Variants in MB21D2 observed in about 807,000 individuals in gnomAD.
MB21D2 encodes the protein Mab-21 domain containing 2, also known as nucleotidyltransferase MB21D2.
MB21D2 carries 9 observed loss-of-function variants against 33.3 expected under a neutral mutation model. That is an observed-to-expected ratio of 0.27 (90% CI 0.16 to 0.47). MB21D2 has a LOEUF of 0.47. Among genes scored for constraint, MB21D2 ranks in the 20% least tolerant of loss-of-function variants. MB21D2 has a pLI of 0.99. For synonymous variants in MB21D2, 241 were observed against 236.3 expected, an observed-to-expected ratio of 1.02 and a Z score of -0.18; for missense variants, 540 against 624.6, an observed-to-expected ratio of 0.86 and a Z score of 1.44.
At chr3:192,835,455 CAAAAAAAAAAAA>C (rs34280688) in intron 1 of MB21D2, among the ~76,000 whole-genome samples, 3 of 61,172 alleles carry the variant, frequency 4.9e-5, no homozygotes, top group Admixed American at 2.3e-4. Flanking sequence ...GACTCTGTCT[CAAAAAAAAAAAA>C]AAAAAAAAAG....
At chr3:192,844,972 C>T (rs1325739933) in intron 1 of MB21D2, among the ~76,000 whole-genome samples, 2 of 152,210 alleles carry the variant, frequency 1.3e-5, no homozygotes, top group African/African-American at 4.8e-5. Flanking sequence ...TAAAGCTCTG[C>T]CCCTTTCGTT....
At chr3:192,824,090 G>A (rs1712117218) in intron 1 of MB21D2, among the ~76,000 whole-genome samples, 1 of 152,162 alleles carries the variant, frequency 6.6e-6, no homozygotes, top group Non-Finnish European at 1.5e-5. Context: ...ACTGAGGGAT[G>A]TAAATTCCGA....
chr3:192,899,161 G>A (rs561447079), intron 1 of MB21D2, among the ~76,000 whole-genome samples: 11 of 152,298 alleles, frequency 7.2e-5, no homozygotes, highest in African/African-American at 9.6e-5. Flanking sequence ...ATGGTAAAAC[G>A]GAAGTGGTTA....
At chr3:192,885,422 T>C (rs1713709970) in intron 1 of MB21D2, among the ~76,000 whole-genome samples, 1 of 152,040 alleles carries the variant, frequency 6.6e-6, no homozygotes, top group Admixed American at 6.5e-5. Flanking sequence ...TGAATAAATA[T>C]CAAATTTGTG....
rs541466902 is a variant in MB21D2, at chr3:192,814,709, C to CA, written c.212-15060dup. Among the ~76,000 whole-genome samples the CA allele has an allele frequency of 7.4e-3, 1,121 of 151,868 alleles. 9 individuals carry two copies. The highest frequency in any genetic ancestry group is 0.01 in the Middle Eastern group (3 of 294). On this transcript the variant is annotated intron_variant, in intron 1 of 1. Coordinates refer to ENST00000392452, the MANE Select transcript of MB21D2 (RefSeq NM_178496.4). ...AACCCTGTCTCTACTAAAAAAAATACAAAAAATTACCCAGGCGTGGTGGTG... is the reference window on the plus strand; with the variant it reads ...AACCCTGTCTCTACTAAAAAAAATACAAAAAAATTACCCAGGCGTGGTGGTG...
At chr3:192,870,699 G>GGAAAA (rs537267703) in intron 1 of MB21D2, among the ~76,000 whole-genome samples, 1 of 41,668 alleles carries the variant, frequency 2.4e-5, no homozygotes. Flanking sequence ...CGACTCCGTT[G>GGAAAA]AAAAAAAAAA....
chr3:192,873,016 C>A (rs79830314), intron 1 of MB21D2, among the ~76,000 whole-genome samples: 6 of 151,428 alleles, frequency 4.0e-5, no homozygotes, highest in East Asian at 2.0e-4. Flanking sequence ...GACACCCCCC[C>A]CCACCAAGCA....
chr3:192,846,940 T>C lies in MB21D2; in HGVS notation c.212-47290A>G, dbSNP rs529821539. 1.3e-3 allele frequency among the ~76,000 whole-genome samples: 198 copies of C among 152,252 alleles called. 1 individual carries two copies. Among genetic ancestry groups the C allele is most frequent in the African/African-American group, 4.7e-3 (194 of 41,540 alleles). On this transcript the variant is annotated intron_variant, in intron 1 of 1. Coordinates refer to ENST00000392452, the MANE Select transcript of MB21D2 (RefSeq NM_178496.4). ...TGCAAACATCTTGATTAAATGCCAATTAATTTAAAATCTCCCAAGTGGTCT... is the reference window on the plus strand; with the variant it reads ...TGCAAACATCTTGATTAAATGCCAACTAATTTAAAATCTCCCAAGTGGTCT...
chr3:192,907,336 C>T (rs1437770800), intron 1 of MB21D2, among the ~76,000 whole-genome samples: 2 of 152,172 alleles, frequency 1.3e-5, no homozygotes, highest in Non-Finnish European at 2.9e-5. Context: ...CCTATATACC[C>T]TTGGCTCAGG....
intron 1 of MB21D2, among the ~76,000 whole-genome samples, chr3:192,816,205 G>A (rs1324377057): frequency 7.3e-6 from 1 of 136,716 alleles, no homozygotes; most frequent in Non-Finnish European, 1.5e-5. Flanking sequence ...AAAAAGACGA[G>A]AGGACAATTT....
At chr3:192,849,135 G>A (rs961242580) in intron 1 of MB21D2, among the ~76,000 whole-genome samples, 1 of 152,076 alleles carries the variant, frequency 6.6e-6, no homozygotes, top group Non-Finnish European at 1.5e-5. Flanking sequence ...GACAAACCAC[G>A]ATCCTCTGGC....
intron 1 of MB21D2, among the ~76,000 whole-genome samples, chr3:192,877,035 T>C (rs1431174857): frequency 1.3e-5 from 2 of 152,106 alleles, no homozygotes; most frequent in Non-Finnish European, 1.5e-5. Context: ...TACAGGCTTA[T>C]GGGTGGAATG....
At chr3:192,887,240 G>A (rs775545618) in intron 1 of MB21D2, among the ~76,000 whole-genome samples, 1 of 152,038 alleles carries the variant, frequency 6.6e-6, no homozygotes, top group Non-Finnish European at 1.5e-5. Context: ...TCAAACTGCT[G>A]GATTCAAGCA....
At position 192,799,771 on chromosome 3, in the gene MB21D2, A is replaced by C; in HGVS notation, c.212-121T>G. 1 of 1,077,640 alleles carries C rather than the reference A, an allele frequency of 9.3e-7. No homozygotes were observed. The highest frequency in any genetic ancestry group is 1.3e-6 in the Non-Finnish European group (1 of 773,696). 66.8% of individuals were successfully genotyped at this position (1,077,640 alleles called of 1,614,324 possible). ...AAACTCATTATCAGTACTAAATCAA[A>C]TCTCAGGCTGCTGCAGAGACCTGGC... On this transcript the variant is annotated intron_variant, in intron 1 of 1. Transcript: ENST00000392452. This position sits in a 1 kb window ranked among gnomAD's most constrained non-coding sequence, Gnocchi z 4.1.
At chr3:192,880,303 C>G (rs908755122) in intron 1 of MB21D2, among the ~76,000 whole-genome samples, 25 of 151,860 alleles carry the variant, frequency 1.6e-4, no homozygotes, top group African/African-American at 5.6e-4. Context: ...GCCGAGATTG[C>G]ACCACCGCAC....
chr3:192,822,512 T>C (rs1486106368), intron 1 of MB21D2, among the ~76,000 whole-genome samples: 2 of 152,148 alleles, frequency 1.3e-5, no homozygotes, highest in Non-Finnish European at 2.9e-5. Context: ...ATCACTGGCA[T>C]TGTAAAGAAT....
chr3:192,889,540 C>T (rs6769993), intron 1 of MB21D2, among the ~76,000 whole-genome samples: 7,987 of 152,100 alleles, frequency 0.053, 772 homozygotes, highest in African/African-American at 0.18. Context: ...CCTGAGGCTG[C>T]AGCCTCTAGG....
intron 1 of MB21D2, among the ~76,000 whole-genome samples, chr3:192,864,133 A>G (rs1469909590): frequency 6.6e-6 from 1 of 152,208 alleles, no homozygotes; most frequent in Non-Finnish European, 1.5e-5. Context: ...AGCTTTCTGT[A>G]AAGTTTACAT....
At chr3:192,887,008 C>T (rs1314670265) in intron 1 of MB21D2, among the ~76,000 whole-genome samples, 1 of 151,924 alleles carries the variant, frequency 6.6e-6, no homozygotes, top group Non-Finnish European at 1.5e-5. Context: ...AAAAAATCCC[C>T]ACTTTCGCCA....
Sources: allele counts gnomAD v4.1 joint callset (sites outside exome capture counted in the v4.1 genomes callset), GRCh38; gene constraint gnomAD v4.1.1; non-coding constraint Gnocchi (gnomAD v3.1); transcripts MANE v1.5; gene names NCBI Gene and HGNC (gene_info 2026-07-23, HGNC 2026-07-21).